The following FAAH2 variants were observed in gnomAD, a reference collection of about 807,000 sequenced individuals.
FAAH2 encodes fatty acid amide hydrolase 2, also known as fatty-acid amide hydrolase 2.
FAAH2 carries 60 observed loss-of-function variants against 36.9 expected under a neutral mutation model. The ratio of observed to expected loss-of-function variants is 1.63; its 90% CI spans 1.32 to 2.02. The LOEUF is 2.02. Ranked by LOEUF, FAAH2 falls within the 30% of genes most tolerant of loss-of-function variation. The pLI, the probability that FAAH2 is intolerant of heterozygous loss-of-function variation, is 0.00. For synonymous variants in FAAH2, 214 were observed against 143.8 expected (o/e 1.49, Z -3.49); for missense variants, 689 against 397.5 (o/e 1.73, Z -6.23).
the FAAH2 span, among the ~76,000 whole-genome samples, chrX:57,268,639 G>A: frequency 9.0e-6 from 1 of 111,660 alleles, no homozygotes; most frequent in African/African-American, 3.3e-5. Flanking sequence ...GCCCATCAGT[G>A]TTAACAGTGG....
chrX:57,431,779 G>GTTTTTTTTTTTTTTTTTTTTTTTTT (rs368910432), intron 7 of FAAH2, 139 bp from the exon 8 acceptor site: 3 of 83,520 alleles, frequency 3.6e-5, no homozygotes, highest in African/African-American at 1.4e-4. Context: ...TTGTTTTTTT[G>GTTTTTTTTTTTTTTTTTTTTTTTTT]TTTTTTTGTT....
chrX:57,244,604 C>A, the FAAH2 span, among the ~76,000 whole-genome samples: 1 of 111,546 alleles, frequency 9.0e-6, no homozygotes, highest in Non-Finnish European at 1.9e-5. Flanking sequence ...AATTTTCAAC[C>A]CAGAATTTCA....
the FAAH2 span, among the ~76,000 whole-genome samples, chrX:57,227,521 A>G: frequency 1.8e-5 from 2 of 111,229 alleles, no homozygotes; most frequent in Non-Finnish European, 3.8e-5. Context: ...TCTCTCAGTC[A>G]TGGATACCAG....
intron 5 of FAAH2, among the ~76,000 whole-genome samples, chrX:57,365,740 CTT>C (rs2054397177): frequency 8.9e-6 from 1 of 111,854 alleles, no homozygotes; most frequent in African/African-American, 3.3e-5. Context: ...TTTCTCAGAG[CTT>C]TTGTTCATTT....
At chrX:57,431,180 C>T (rs1215540618) in intron 7 of FAAH2, among the ~76,000 whole-genome samples, 1 of 111,622 alleles carries the variant, frequency 9.0e-6, no homozygotes, top group Non-Finnish European at 1.9e-5. Context: ...TACGTATTCC[C>T]TGGATTTATG....
At chrX:57,262,019 C>A in the FAAH2 span, among the ~76,000 whole-genome samples, 3 of 110,261 alleles carry the variant, frequency 2.7e-5, no homozygotes, top group Non-Finnish European at 5.7e-5. Flanking sequence ...GTGTCATCAA[C>A]TGAGTCAAAT....
chrX:57,199,960 T>C, the FAAH2 span, among the ~76,000 whole-genome samples: 1 of 111,860 alleles, frequency 8.9e-6, no homozygotes, highest in Non-Finnish European at 1.9e-5. Flanking sequence ...ATTTTTTTAT[T>C]TTCAGTTTCT....
At chrX:57,209,597 A>T in the FAAH2 span, among the ~76,000 whole-genome samples, 1 of 111,303 alleles carries the variant, frequency 9.0e-6, no homozygotes, top group Admixed American at 9.5e-5. Context: ...CTCCTCAGAC[A>T]GTGGGAATGA....
chrX:57,432,721 G>A (rs1602645143), intron 8 of FAAH2, among the ~76,000 whole-genome samples: 1 of 111,216 alleles, frequency 9.0e-6, no homozygotes, highest in African/African-American at 3.3e-5. Flanking sequence ...TGTGAATATA[G>A]GAATGTTTTC....
the FAAH2 span, among the ~76,000 whole-genome samples, chrX:57,241,767 C>T: frequency 9.0e-6 from 1 of 111,552 alleles, no homozygotes; most frequent in African/African-American, 3.3e-5. Flanking sequence ...TAGCTTAGCT[C>T]CCACTTATAA....
At chrX:57,289,883 G>A (rs2051925298) in intron 1 of FAAH2, among the ~76,000 whole-genome samples, 3 of 109,165 alleles carry the variant, frequency 2.7e-5, no homozygotes, top group Admixed American at 9.9e-5. Context: ...GAGAGAGAGA[G>A]TGAGAAGCTT....
At chrX:57,370,486 A>T (rs2054523112) in intron 5 of FAAH2, among the ~76,000 whole-genome samples, 1 of 111,954 alleles carries the variant, frequency 8.9e-6, no homozygotes, top group Non-Finnish European at 1.9e-5. Context: ...GGCAAATATT[A>T]GATATAAATG....
chrX:57,256,286 G>T, the FAAH2 span, among the ~76,000 whole-genome samples: 1 of 111,605 alleles, frequency 9.0e-6, no homozygotes, highest in African/African-American at 3.3e-5. Flanking sequence ...ACAAACAAAT[G>T]GGGAAACATT....
the FAAH2 span, among the ~76,000 whole-genome samples, chrX:57,197,452 T>C: frequency 1.8e-5 from 2 of 111,633 alleles, no homozygotes; most frequent in Non-Finnish European, 3.8e-5. Flanking sequence ...ACTTGCTTTG[T>C]CATATTATCA....
chrX:57,352,046 ATG>A (rs754076748), intron 5 of FAAH2, among the ~76,000 whole-genome samples: 1 of 39,912 alleles, frequency 2.5e-5, no homozygotes, highest in Non-Finnish European at 3.9e-5. Context: ...ACATATATAT[ATG>A]TGTATATATA....
intron 2 of FAAH2, among the ~76,000 whole-genome samples, chrX:57,301,397 G>C (rs1453407048): frequency 2.0e-5 from 2 of 101,059 alleles, no homozygotes; most frequent in Non-Finnish European, 4.0e-5. Context: ...TCACTCATAG[G>C]TGGGAATTGA....
At chrX:57,428,729 A>C (rs772545260) in intron 7 of FAAH2, among the ~76,000 whole-genome samples, 1 of 112,207 alleles carries the variant, frequency 8.9e-6, no homozygotes, top group South Asian at 3.7e-4. Context: ...CACCATATGC[A>C]AAAATTATCA....
chrX:57,208,631 G>T, the FAAH2 span, among the ~76,000 whole-genome samples: 1 of 111,776 alleles, frequency 8.9e-6, no homozygotes, highest in African/African-American at 3.3e-5. Context: ...GTGTGGAGTG[G>T]GAAATCAGGG....
At chrX:57,322,837 T>C (rs780148119) in intron 3 of FAAH2, among the ~76,000 whole-genome samples, 1 of 110,635 alleles carries the variant, frequency 9.0e-6, no homozygotes, top group East Asian at 2.8e-4. Flanking sequence ...TTTGTTTTCC[T>C]TTTTTTTAAT....
Sources: gnomAD v4.1 joint callset for allele counts (sites outside exome capture counted in the v4.1 genomes callset) on GRCh38, gnomAD v4.1.1 for gene constraint, MANE v1.5 for transcripts, NCBI Gene and HGNC (gene_info 2026-07-23, HGNC 2026-07-21) for gene names.